Variants in PRIM2 observed in about 807,000 individuals in gnomAD.
PRIM2 encodes DNA primase large subunit.
Under a neutral mutation model 67.3 loss-of-function variants are expected in PRIM2, and 39 were observed. That is an observed-to-expected ratio of 0.58 (90% CI 0.45 to 0.76). The LOEUF (loss-of-function observed/expected upper bound fraction) is 0.76. Ranked by LOEUF, PRIM2 falls within the 30% of genes least tolerant of loss-of-function variation. PRIM2 has a pLI of 0.00. For synonymous variants in PRIM2, 143 were observed against 198.7 expected, an observed-to-expected ratio of 0.72 and a Z score of 2.36; for missense variants, 398 against 598.7, an observed-to-expected ratio of 0.66 and a Z score of 3.50.
At chr6:57,504,509 TAACTC>T (rs1774213577) in intron 7 of PRIM2, among the ~76,000 whole-genome samples, 2 of 152,200 alleles carry the variant, frequency 1.3e-5, no homozygotes, top group Non-Finnish European at 2.9e-5. Context: ...AAGGACATCT[TAACTC>T]ACCCCTAACC....
chr6:57,315,828 T>G (rs1304638626), upstream of PRIM2, among the ~76,000 whole-genome samples: 2 of 152,198 alleles, frequency 1.3e-5, no homozygotes, highest in Non-Finnish European at 2.9e-5. Context: ...TCTTTGTAAT[T>G]TATAATATTT....
At chr6:57,628,073 A>T (rs1468041367) in intron 12 of PRIM2, among the ~76,000 whole-genome samples, 2 of 152,164 alleles carry the variant, frequency 1.3e-5, no homozygotes, top group Admixed American at 6.6e-5. Flanking sequence ...AAAACTGGAG[A>T]GTTAGTGTCA....
intron 10 of PRIM2, among the ~76,000 whole-genome samples, chr6:57,572,512 G>A (rs1211264969): frequency 2.3e-4 from 35 of 152,164 alleles, no homozygotes; most frequent in South Asian, 4.1e-4. Context: ...ATAACGGAAG[G>A]GAAGAGTAGA....
rs1391419883 is a variant in PRIM2 at position 57,646,103 on chromosome 6, C to A, written c.1475C>A (p.Ser492Tyr). The change falls in exon 14 of 14, where the codon TCC becomes TAC. Residue 492 changes from serine (S) to tyrosine (Y), a missense_variant. Ser to Tyr is a moderately radical substitution (Grantham distance 144). Around this residue, in one of 4 missense-constraint regions of PRIM2, gnomAD observed 72 missense variants for 89.4 expected, o/e 0.81. Transcript: ENST00000615550. ...TCATCTGCTCTGGCCTCTTTAAATT[C>A]CTCTCTGGAAATGGATATGGAAGGA... ...DASSALASLN[S>Y]SLEMDMEGLE... 3.4e-4 allele frequency: 551 copies of A among 1,600,752 alleles called. No homozygotes were observed. Among genetic ancestry groups the A allele is most frequent in the Non-Finnish European group, 4.6e-4 (537 of 1,168,042 alleles).
intron 10 of PRIM2, among the ~76,000 whole-genome samples, chr6:57,583,328 C>G (rs1196692427): frequency 1.1e-5 from 1 of 93,390 alleles, no homozygotes; most frequent in African/African-American, 4.3e-5. Flanking sequence ...TCCCTCCCCC[C>G]TCCCCCCACC....
At chr6:57,312,790 C>T (rs868458840), upstream of PRIM2, among the ~76,000 whole-genome samples, 1 of 151,986 alleles carries the variant, frequency 6.6e-6, no homozygotes, top group East Asian at 1.9e-4. Context: ...CCATAAAGAC[C>T]GTCTATATAT....
chr6:57,261,041 A>G, the PRIM2 span, among the ~76,000 whole-genome samples: 1 of 152,208 alleles, frequency 6.6e-6, no homozygotes, highest in Non-Finnish European at 1.5e-5. Flanking sequence ...AAGTTTTTCC[A>G]TATTTATGAT....
At chr6:57,588,689 A>G (rs1776236722) in intron 10 of PRIM2, among the ~76,000 whole-genome samples, 1 of 152,104 alleles carries the variant, frequency 6.6e-6, no homozygotes, top group Non-Finnish European at 1.5e-5. Context: ...GCAGTGCCAC[A>G]AGCTTACATT....
intron 13 of PRIM2, among the ~76,000 whole-genome samples, chr6:57,641,553 C>T (rs1582033712): frequency 6.6e-6 from 1 of 152,080 alleles, no homozygotes; most frequent in East Asian, 1.9e-4. Context: ...CAAACAATCC[C>T]ATCAAAAAGT....
the PRIM2 span, among the ~76,000 whole-genome samples, chr6:57,299,689 C>G: frequency 6.6e-6 from 1 of 152,222 alleles, no homozygotes; most frequent in African/African-American, 2.4e-5. Flanking sequence ...ATATAGGAGA[C>G]AGATGAGCCA....
At chr6:57,271,344 G>T in the PRIM2 span, among the ~76,000 whole-genome samples, 1 of 152,108 alleles carries the variant, frequency 6.6e-6, no homozygotes, top group Non-Finnish European at 1.5e-5. Context: ...ACTTCTTCCT[G>T]GTTTAGTCGT....
At chr6:57,310,544 C>T (rs1018821192), upstream of PRIM2, among the ~76,000 whole-genome samples, 80 of 152,276 alleles carry the variant, frequency 5.3e-4, no homozygotes, top group African/African-American at 1.8e-3. Flanking sequence ...CATCATGGCC[C>T]GTTCTGGATG....
intron 8 of PRIM2, among the ~76,000 whole-genome samples, chr6:57,514,123 A>G (rs1281641110): frequency 6.6e-6 from 1 of 152,222 alleles, no homozygotes; most frequent in Non-Finnish European, 1.5e-5. Flanking sequence ...ATCTTCCTTC[A>G]GTTGGTATTA....
At chr6:57,622,122 T>C (rs1776868868) in intron 12 of PRIM2, among the ~76,000 whole-genome samples, 1 of 152,164 alleles carries the variant, frequency 6.6e-6, no homozygotes, top group African/African-American at 2.4e-5. Flanking sequence ...AGTATACCAC[T>C]GGCTGTAGTA....
the PRIM2 span, among the ~76,000 whole-genome samples, chr6:57,261,509 G>A: frequency 2.0e-5 from 3 of 152,210 alleles, no homozygotes; most frequent in African/African-American, 4.8e-5. Context: ...TCTGTGATAC[G>A]GAACAGGGTA....
intron 10 of PRIM2, among the ~76,000 whole-genome samples, chr6:57,569,832 T>C (rs1431645948): frequency 2.6e-5 from 4 of 152,058 alleles, no homozygotes; most frequent in Non-Finnish European, 5.9e-5. Context: ...CTGCAACCTC[T>C]GCTTCCCAGG....
chr6:57,375,548 C>T lies in PRIM2; in HGVS notation c.460-4353C>T, dbSNP rs112514123. On this transcript the variant is annotated intron_variant, in intron 5 of 13. Coordinates refer to ENST00000615550, the MANE Select transcript of PRIM2 (RefSeq NM_000947.5). ...GTTTTCCTTTTTTTTGTTGTATCTC[C>T]GCCAGATTTTGGTATAAGGATGATG... Among the ~76,000 whole-genome samples, 203 of 152,088 alleles carry T rather than the reference C, an allele frequency of 1.3e-3. 5 individuals carry two copies. The East Asian group carries it at 0.017, about 13-fold the overall frequency.
intron 8 of PRIM2, among the ~76,000 whole-genome samples, chr6:57,515,390 CAGATGG>C (rs1278880970): frequency 6.6e-6 from 1 of 152,142 alleles, no homozygotes; most frequent in Non-Finnish European, 1.5e-5. Flanking sequence ...TCCAGCAGAT[CAGATGG>C]AGATAAGAAC....
rs575958629 is a variant in PRIM2, at chr6:57,422,158, C to CTTTTTTTTTTTTTTTTTTTTTTTTTTT, written c.693+40004_693+40005insTTTTTTTTTTTTTTTTTTTTTTTTTTT. On this transcript the variant is annotated intron_variant, in intron 7 of 13. Coordinates refer to ENST00000615550, the MANE Select transcript of PRIM2 (RefSeq NM_000947.5). ...AAATTCAAAAGTATTTCTTTTCTTT[C>CTTTTTTTTTTTTTTTTTTTTTTTTTTT]TTTTTTTTTTTTTTGAGATGGAGTC... Among the ~76,000 whole-genome samples, 8 of 103,318 alleles carry CTTTTTTTTTTTTTTTTTTTTTTTTTTT rather than the reference C, an allele frequency of 7.7e-5. 1 individual carries two copies. Among genetic ancestry groups the CTTTTTTTTTTTTTTTTTTTTTTTTTTT allele is most frequent in the African/African-American group, 2.1e-4 (6 of 28,910 alleles). The allele number at this position is 103,318 out of a possible 152,430, so 67.8% of individuals were successfully genotyped here.
Sources: gnomAD v4.1 joint callset for allele counts (sites outside exome capture counted in the v4.1 genomes callset) on GRCh38, gnomAD v4.1.1 for gene constraint, gnomAD v4.1.1 regional missense constraint, MANE v1.5 for transcripts, NCBI Gene and HGNC (gene_info 2026-07-23, HGNC 2026-07-21) for gene names.